The following MCTP2 variants were observed in gnomAD, a reference collection of about 807,000 sequenced individuals.
The protein encoded by MCTP2 is multiple C2 and transmembrane domain-containing protein 2.
In MCTP2, 132 loss-of-function variants were observed where a neutral mutation model predicts 111.6. That is an observed-to-expected ratio of 1.18 (90% CI 1.03 to 1.37). MCTP2 has a LOEUF of 1.37. Among genes scored for constraint, MCTP2 ranks in the 40% most tolerant of loss-of-function variants. MCTP2 has a pLI of 0.00. For synonymous variants in MCTP2, 395 were observed against 387.7 expected (o/e 1.02, Z -0.22); for missense variants, 1,183 against 1,067.9 (o/e 1.11, Z -1.50).
At chr15:94,305,547 A>G (rs2075840148) in intron 2 of MCTP2, among the ~76,000 whole-genome samples, 2 of 152,162 alleles carry the variant, frequency 1.3e-5, no homozygotes, top group African/African-American at 4.8e-5. Flanking sequence ...GTGTATACAC[A>G]CATAGCTGTT....
In MCTP2 at chr15:94,442,944, A is replaced by C. The variant is rs1430225018; in HGVS notation, c.2234A>C (p.Glu745Ala). The C allele has an allele frequency of 6.2e-7, 1 of 1,613,312 alleles. No individual in the cohort carries two copies. The highest frequency in any genetic ancestry group is 8.5e-7 in the Non-Finnish European group (1 of 1,179,660). ...GAGAGCACAGACATAGATGACGAGG[A>C]GGATGAAGATGACAAGGTGCGTATG... Reference protein sequence around the residue: ...SQESTDIDDEEDEDDKESEKK... With the variant: ...SQESTDIDDEADEDDKESEKK... Residue 745 changes from glutamate to alanine, a missense_variant, in exon 19 of 23, where the codon GAG becomes GCG. Glu to Ala is a moderately radical substitution (Grantham distance 107, BLOSUM62 -1). Coordinates refer to ENST00000357742, the MANE Select transcript of MCTP2 (RefSeq NM_001385001.1).
chr15:94,348,792 A>G (rs966649611), intron 8 of MCTP2, among the ~76,000 whole-genome samples: 2 of 151,892 alleles, frequency 1.3e-5, no homozygotes, highest in Non-Finnish European at 2.9e-5. Flanking sequence ...TCCCAAATTA[A>G]TACAGTTTTT....
chr15:94,445,039 T>A (rs574180966), intron 19 of MCTP2, among the ~76,000 whole-genome samples: 59 of 152,348 alleles, frequency 3.9e-4, no homozygotes, highest in African/African-American at 1.4e-3. Context: ...CTACCACTGA[T>A]GTACTTCAAG....
intron 21 of MCTP2, among the ~76,000 whole-genome samples, chr15:94,472,558 T>C (rs1270810631): frequency 1.3e-5 from 2 of 152,222 alleles, no homozygotes; most frequent in African/African-American, 2.4e-5. Context: ...AATATTGTTC[T>C]ATTTTCCACT....
At chr15:94,410,214 A>T (rs1006788759) in intron 17 of MCTP2, among the ~76,000 whole-genome samples, 92 of 152,116 alleles carry the variant, frequency 6.0e-4, no homozygotes, top group East Asian at 7.7e-4. Flanking sequence ...ACACACACAC[A>T]CTCATGTGCT....
At chr15:94,358,909 G>C (rs1452805315) in intron 10 of MCTP2, among the ~76,000 whole-genome samples, 3 of 152,032 alleles carry the variant, frequency 2.0e-5, no homozygotes, top group African/African-American at 7.2e-5. Flanking sequence ...TCCAATATAC[G>C]CTATAATTTT....
chr15:94,441,605 CTTTA>C (rs1157346710), intron 18 of MCTP2, among the ~76,000 whole-genome samples: 4 of 152,084 alleles, frequency 2.6e-5, no homozygotes, highest in African/African-American at 4.8e-5. Context: ...TGTATAAAGC[CTTTA>C]TTTATAAAAC....
chr15:94,340,976 T>A, intron 7 of MCTP2, 52 bp downstream of exon 7: 2 of 1,162,276 alleles, frequency 1.7e-6, no homozygotes, highest in Non-Finnish European at 2.6e-6. Context: ...CGTTTTGAAA[T>A]GGCTCATTGC....
At chr15:94,338,618 A>G (rs2077483457) in intron 4 of MCTP2, among the ~76,000 whole-genome samples, 1 of 151,726 alleles carries the variant, frequency 6.6e-6, no homozygotes, top group Non-Finnish European at 1.5e-5. Context: ...GTCTGTTTCA[A>G]AGCTCCCAGG....
intron 1 of MCTP2, among the ~76,000 whole-genome samples, chr15:94,294,585 T>A (rs2075172999): frequency 6.6e-6 from 1 of 152,194 alleles, no homozygotes; most frequent in South Asian, 2.1e-4. Flanking sequence ...TAAACATTTT[T>A]CCACTTAGAC....
intron 17 of MCTP2, among the ~76,000 whole-genome samples, chr15:94,405,199 C>G (rs2081841599): frequency 6.6e-6 from 1 of 152,148 alleles, no homozygotes; most frequent in African/African-American, 2.4e-5. Flanking sequence ...GGAAGTGATG[C>G]TAACACAACA....
At chr15:94,242,264 A>G (rs1436000206) in intron 1 of MCTP2, among the ~76,000 whole-genome samples, 2 of 152,120 alleles carry the variant, frequency 1.3e-5, no homozygotes, top group African/African-American at 2.4e-5. Flanking sequence ...CATCTCTGGA[A>G]CTCAGTTTTC....
rs1555437578 is a variant in MCTP2, at chr15:94,237,455, T to TA, written c.-66+5792dup. Among the ~76,000 whole-genome samples, 4 of 150,254 alleles carry TA rather than the reference T, an allele frequency of 2.7e-5. No individual in the cohort carries two copies. In the South Asian group the frequency reaches 6.3e-4, roughly 24 times the overall value. On this transcript the variant is annotated intron_variant, in intron 1 of 22. Transcript: ENST00000357742. The stretch of plus-strand genomic sequence containing the variant: ...CTAAACTCGGATTTTTTTTTTTTTT[T>TA]ATGCTGCCCAAATTCTTATCTAAGG...
At chr15:94,319,834 T>G (rs2152374323) in intron 4 of MCTP2, among the ~76,000 whole-genome samples, 1 of 152,384 alleles carries the variant, frequency 6.6e-6, no homozygotes, top group Non-Finnish European at 1.5e-5. Flanking sequence ...GCTAAAGTAC[T>G]AACTATAACA....
intron 20 of MCTP2, among the ~76,000 whole-genome samples, chr15:94,463,521 A>C (rs112579351): frequency 0.011 from 1,708 of 152,194 alleles, 34 homozygotes; most frequent in African/African-American, 0.039. Flanking sequence ...TTTTCCTTAG[A>C]TAAATGTATA....
chr15:94,246,395 G>T (rs2072010881), intron 1 of MCTP2, among the ~76,000 whole-genome samples: 1 of 152,088 alleles, frequency 6.6e-6, no homozygotes, highest in South Asian at 2.1e-4. Flanking sequence ...AGAGTTATGA[G>T]GATTATAGGA....
intron 7 of MCTP2, chr15:94,343,782 G>A (rs2077797411): frequency 6.6e-6 from 1 of 152,314 alleles, no homozygotes; most frequent in African/African-American, 2.4e-5. Flanking sequence ...GATAAAAAGA[G>A]TGTCTGTTTT....
chr15:94,317,407 C>T (rs566753624), intron 4 of MCTP2, among the ~76,000 whole-genome samples: 1 of 152,296 alleles, frequency 6.6e-6, no homozygotes, highest in East Asian at 1.9e-4. Context: ...TCCCATTCCT[C>T]CTGGTTATCA....
chr15:94,459,029 GT>G (rs35468711), intron 20 of MCTP2, among the ~76,000 whole-genome samples: 151,954 of 152,300 alleles, frequency 1, 75,805 homozygotes, highest in Middle Eastern at 1. Flanking sequence ...AGATTCATAG[GT>G]TTTTTTCTGT....
Sources: allele counts gnomAD v4.1 joint callset (sites outside exome capture counted in the v4.1 genomes callset), GRCh38; gene constraint gnomAD v4.1.1; transcripts MANE v1.5; gene names NCBI Gene and HGNC (gene_info 2026-07-23, HGNC 2026-07-21).